Variants in RBFOX1 observed in about 807,000 individuals in gnomAD.
RBFOX1 encodes the protein RNA binding fox-1 homolog 1.
In RBFOX1, 8 loss-of-function variants were observed where a neutral mutation model predicts 57.7. That is an observed-to-expected ratio of 0.14 (90% CI 0.08 to 0.25). RBFOX1 has a LOEUF of 0.25. Among genes scored for constraint, RBFOX1 ranks in the 10% least tolerant of loss-of-function variants. The probability of loss-of-function intolerance (pLI) is 1.00; values close to 1 mark genes in which losing one functional copy is unlikely to be tolerated. For synonymous variants in RBFOX1, 326 were observed against 222.4 expected (o/e 1.47, Z -4.15); for missense variants, 611 against 548.5 (o/e 1.11, Z -1.14).
Position 6,019,589 on chromosome 16 carries a change from G to A in RBFOX1, c.-530G>A. 8.4e-7 allele frequency: 1 copy of A among 1,196,882 alleles called. No individual in the cohort carries two copies. The highest frequency in any genetic ancestry group is 1.0e-6 in the Non-Finnish European group (1 of 965,154). 74.1% of individuals were successfully genotyped at this position (1,196,882 alleles called of 1,614,324 possible). A position where few individuals can be genotyped will look rare whatever the true frequency, so the allele number is the denominator to read the frequency against. On this transcript the variant is annotated 5_prime_UTR_variant, in exon 1 of 16. Coordinates refer to ENST00000550418, the MANE Select transcript of RBFOX1 (RefSeq NM_018723.4). The surrounding 1 kb of genome is among the most constrained non-coding windows in gnomAD (Gnocchi z 4.2). ...CTGGACCCACGCGCGCGCCTCCGGG[G>A]CTGAAGAAGGAAGGAGTGAGCCGAG...
rs185700435 is a variant in RBFOX1 at position 7,258,105 on chromosome 16, C to G, written c.27+206007C>G. Among the ~76,000 whole-genome samples the G allele has an allele frequency of 3.4e-3, 515 of 152,232 alleles. 2 individuals carry two copies. The highest frequency in any genetic ancestry group is 0.012 in the African/African-American group (484 of 41,532). On this transcript the variant is annotated intron_variant, in intron 4 of 15. Transcript: ENST00000550418. ...GGCCATATTCTGTTCATGAAAATGC[C>G]TTTTCATAATTCACTGCTTCCAGAG...
chr16:5,784,724 A>G (rs959933335), intron 3 of RBFOX1, among the ~76,000 whole-genome samples: 3 of 152,168 alleles, frequency 2.0e-5, no homozygotes, highest in Non-Finnish European at 1.5e-5. Flanking sequence ...AATCATGAGC[A>G]TGGTGTCCTT....
intron 3 of RBFOX1, among the ~76,000 whole-genome samples, chr16:6,842,982 C>T (rs555641425): frequency 1.3e-5 from 2 of 152,094 alleles, no homozygotes; most frequent in Admixed American, 1.3e-4. Flanking sequence ...TCATCCATGT[C>T]CTTGCAAAGG....
chr16:7,124,835 A>G (rs752212330), intron 4 of RBFOX1, among the ~76,000 whole-genome samples: 21 of 152,036 alleles, frequency 1.4e-4, no homozygotes, highest in Non-Finnish European at 2.5e-4. Flanking sequence ...TTTCTACTGT[A>G]TGACTCTGAT....
At chr16:6,711,780 C>A (rs369756479) in intron 3 of RBFOX1, among the ~76,000 whole-genome samples, 2 of 152,192 alleles carry the variant, frequency 1.3e-5, no homozygotes, top group African/African-American at 2.4e-5. Flanking sequence ...TTCTAGACTT[C>A]GTTTTCTTTC....
At chr16:7,177,405 C>G (rs539192880) in intron 4 of RBFOX1, among the ~76,000 whole-genome samples, 100 of 151,990 alleles carry the variant, frequency 6.6e-4, no homozygotes, top group African/African-American at 2.0e-3. Context: ...AGTGTAAATA[C>G]CCTGACTTGA....
intron 4 of RBFOX1, among the ~76,000 whole-genome samples, chr16:7,476,043 GCAGCCT>G (rs142621721): frequency 2.0e-5 from 3 of 152,014 alleles, no homozygotes; most frequent in African/African-American, 7.3e-5. Flanking sequence ...ATGGCTCACT[GCAGCCT>G]CAGCCTCCTG....
At chr16:7,251,847 A>G (rs554731463) in intron 4 of RBFOX1, among the ~76,000 whole-genome samples, 1 of 152,264 alleles carries the variant, frequency 6.6e-6, no homozygotes, top group Non-Finnish European at 1.5e-5. Flanking sequence ...TTGGATATAT[A>G]CACAGTAGTG....
chr16:6,952,978 GA>G (rs557683042), intron 3 of RBFOX1, among the ~76,000 whole-genome samples: 2 of 151,170 alleles, frequency 1.3e-5, no homozygotes, highest in South Asian at 2.1e-4. Flanking sequence ...GTCTCATAAA[GA>G]AAAAAAAATT....
intron 2 of RBFOX1, among the ~76,000 whole-genome samples, chr16:6,427,088 C>T (rs1326139683): frequency 6.6e-6 from 1 of 152,132 alleles, no homozygotes; most frequent in African/African-American, 2.4e-5. Context: ...GGTTGATATG[C>T]TGTAGAGTGA....
At chr16:5,445,524 A>G (rs1358437488) in intron 1 of RBFOX1, among the ~76,000 whole-genome samples, 3 of 152,314 alleles carry the variant, frequency 2.0e-5, no homozygotes, top group South Asian at 2.1e-4. Flanking sequence ...TTACAAGTCA[A>G]TGCACTCCTA....
Position 6,579,778 on chromosome 16 carries a change from G to T in RBFOX1, c.-63-74825G>T, listed in dbSNP as rs13330162. ...TTTTCAATTTTTTTGTAGAGACACG[G>T]TCTCACTATGTTGCCCAGGGTGGTC... is the stretch of plus-strand genomic sequence containing the variant. On this transcript the variant is annotated intron_variant, in intron 2 of 15. Coordinates refer to ENST00000550418, the MANE Select transcript of RBFOX1 (RefSeq NM_018723.4). Among the ~76,000 whole-genome samples the T allele has an allele frequency of 1.7e-3, 262 of 152,104 alleles. 2 individuals carry two copies. The highest frequency in any genetic ancestry group is 6.2e-3 in the African/African-American group (256 of 41,506).
At chr16:5,782,180 C>T (rs2054344939) in intron 3 of RBFOX1, among the ~76,000 whole-genome samples, 3 of 152,238 alleles carry the variant, frequency 2.0e-5, no homozygotes, top group Admixed American at 2.0e-4. Flanking sequence ...CACTGTACAC[C>T]AGCCTGAGTG....
At chr16:7,050,497 C>G (rs903767013) in intron 3 of RBFOX1, among the ~76,000 whole-genome samples, 2 of 152,068 alleles carry the variant, frequency 1.3e-5, no homozygotes, top group Non-Finnish European at 2.9e-5. Context: ...AATTCCTGAC[C>G]TCACATGATC....
rs563682376 is a variant in RBFOX1 at position 5,874,521 on chromosome 16, C to T, written c.351+7186C>T. ...GAGATATTTTTTTTTCTTCTAAGAA[C>T]ACTGAAGGAAAAAAAGATGGAGAGT... On this transcript the variant is annotated intron_variant, in intron 4 of 19. Transcript: ENST00000641259. Among the ~76,000 whole-genome samples the T allele has an allele frequency of 1.3e-4, 19 of 151,814 alleles. No individual in the cohort carries two copies. In the East Asian group the frequency reaches 3.5e-3, roughly 28 times the overall value.
At chr16:6,340,626 C>A (rs906624238) in intron 2 of RBFOX1, among the ~76,000 whole-genome samples, 5 of 152,156 alleles carry the variant, frequency 3.3e-5, no homozygotes, top group Non-Finnish European at 7.3e-5. Flanking sequence ...GGGAGTGTAG[C>A]AGTGAGGACA....
At chr16:6,464,777 AT>A (rs2095003138) in intron 2 of RBFOX1, among the ~76,000 whole-genome samples, 1 of 152,230 alleles carries the variant, frequency 6.6e-6, no homozygotes, top group Non-Finnish European at 1.5e-5. Context: ...TACAGCATTA[AT>A]CACTTGGCTG....
At chr16:7,158,521 G>T (rs970880091) in intron 4 of RBFOX1, among the ~76,000 whole-genome samples, 4 of 152,022 alleles carry the variant, frequency 2.6e-5, no homozygotes, top group South Asian at 2.1e-4. Flanking sequence ...ATGTTTGTCT[G>T]TGTGATGTGT....
chr16:6,893,658 C>T (rs2066059841), intron 3 of RBFOX1, among the ~76,000 whole-genome samples: 1 of 152,044 alleles, frequency 6.6e-6, no homozygotes, highest in Non-Finnish European at 1.5e-5. Context: ...GAGCATTGGC[C>T]AGAGAAGCCC....
Sources: gnomAD v4.1 joint callset for allele counts (sites outside exome capture counted in the v4.1 genomes callset) on GRCh38, gnomAD v4.1.1 for gene constraint, Gnocchi (gnomAD v3.1) non-coding constraint, MANE v1.5 for transcripts, NCBI Gene and HGNC (gene_info 2026-07-23, HGNC 2026-07-21) for gene names.